The following NCKAP5 variants were observed in gnomAD, a reference collection of about 807,000 sequenced individuals.
The protein encoded by NCKAP5 is NCK associated protein 5.
NCKAP5 carries 92 observed loss-of-function variants against 167.0 expected under a neutral mutation model. The ratio of observed to expected loss-of-function variants is 0.55; its 90% CI spans 0.47 to 0.66. The LOEUF (loss-of-function observed/expected upper bound fraction) is 0.66, where lower values mean the gene tolerates loss of function less well. Among genes scored for constraint, NCKAP5 ranks in the 30% least tolerant of loss-of-function variants. NCKAP5 has a pLI of 0.00. For synonymous variants in NCKAP5, 891 were observed against 877.4 expected (o/e 1.02, Z -0.27); for missense variants, 2,378 against 2,315.0 (o/e 1.03, Z -0.56).
At chr2:133,465,695 G>A (rs1402066441) in intron 3 of NCKAP5, among the ~76,000 whole-genome samples, 2 of 152,004 alleles carry the variant, frequency 1.3e-5, no homozygotes, top group African/African-American at 2.4e-5. Context: ...TTTAATGATT[G>A]CCATTCTAAC....
chr2:132,942,708 A>G (rs1469500992), intron 8 of NCKAP5, among the ~76,000 whole-genome samples: 1 of 152,192 alleles, frequency 6.6e-6, no homozygotes, highest in East Asian at 1.9e-4. Flanking sequence ...ATCAACCTTA[A>G]TTTCCAACAG....
In NCKAP5 at chr2:133,380,745, A is replaced by C. The variant is rs369848052; in HGVS notation, c.70-77635T>G. Among the ~76,000 whole-genome samples, 13 of 152,330 alleles carry C rather than the reference A, an allele frequency of 8.5e-5. No homozygotes were observed. In the East Asian group the frequency reaches 2.5e-3, roughly 29 times the overall value. On this transcript the variant is annotated intron_variant, in intron 3 of 19. Transcript: ENST00000409261. ...GACTTACTGAACCAGAATACCTGGA[A>C]GTAAAGTCCAGGAACCTGGGTTTTA...
At chr2:133,434,005 A>G (rs1385350398) in intron 3 of NCKAP5, 1 of 152,174 alleles carries the variant, frequency 6.6e-6, no homozygotes, top group African/African-American at 2.4e-5. Flanking sequence ...CGTGTAGTCC[A>G]GTTAAGTTTG....
intron 8 of NCKAP5, among the ~76,000 whole-genome samples, chr2:132,942,148 G>A (rs1282955143): frequency 6.6e-6 from 1 of 152,166 alleles, no homozygotes; most frequent in Non-Finnish European, 1.5e-5. Flanking sequence ...AATTGACAGA[G>A]CAGAAAAGGA....
intron 6 of NCKAP5, among the ~76,000 whole-genome samples, chr2:133,068,072 C>T (rs1439398520): frequency 6.6e-6 from 1 of 152,154 alleles, no homozygotes; most frequent in Non-Finnish European, 1.5e-5. Flanking sequence ...CCCATATTCC[C>T]AGCAGAGAAA....
At chr2:133,101,654 G>A (rs2081518137) in intron 6 of NCKAP5, among the ~76,000 whole-genome samples, 1 of 152,154 alleles carries the variant, frequency 6.6e-6, no homozygotes, top group African/African-American at 2.4e-5. Flanking sequence ...AAGAAACAGT[G>A]ATTTACAAAC....
At chr2:133,356,003 C>A (rs1684690663) in intron 3 of NCKAP5, among the ~76,000 whole-genome samples, 1 of 152,014 alleles carries the variant, frequency 6.6e-6, no homozygotes, top group Non-Finnish European at 1.5e-5. Flanking sequence ...TCATGTCTCA[C>A]CGAAACCTCA....
intron 7 of NCKAP5, among the ~76,000 whole-genome samples, chr2:132,977,950 T>G (rs927563482): frequency 6.6e-6 from 1 of 152,216 alleles, no homozygotes; most frequent in Non-Finnish European, 1.5e-5. Flanking sequence ...CTTTGTCACA[T>G]AGTGGGATGT....
chr2:132,721,173 C>T (rs1360904798), intron 19 of NCKAP5, among the ~76,000 whole-genome samples: 4 of 151,436 alleles, frequency 2.6e-5, no homozygotes, highest in South Asian at 2.1e-4. Flanking sequence ...CCAGACGTGG[C>T]GGTGGGTGCC....
chr2:133,383,938 T>G (rs1686730045), intron 3 of NCKAP5, among the ~76,000 whole-genome samples: 1 of 152,224 alleles, frequency 6.6e-6, no homozygotes, highest in South Asian at 2.1e-4. Context: ...TTTGAGTTCT[T>G]TGTAGATTCT....
At chr2:132,871,943 A>G (rs1177181895) in intron 9 of NCKAP5, among the ~76,000 whole-genome samples, 1 of 152,208 alleles carries the variant, frequency 6.6e-6, no homozygotes, top group Admixed American at 6.5e-5. Flanking sequence ...TGCAACCTCT[A>G]CTAGGCTCAA....
intron 3 of NCKAP5, among the ~76,000 whole-genome samples, chr2:133,413,083 C>G (rs937299375): frequency 6.6e-6 from 1 of 152,168 alleles, no homozygotes; most frequent in African/African-American, 2.4e-5. Context: ...CAGAGCCCAC[C>G]AAGTTCAAGT....
rs1004301684 is a variant in NCKAP5 at position 133,069,824 on chromosome 2, C to T, written c.341+60154G>A. Among the ~76,000 whole-genome samples the T allele has an allele frequency of 2.0e-5, 3 of 151,614 alleles. No individual in the cohort carries two copies. In the Middle Eastern group the frequency reaches 0.01, roughly 519 times the overall value. ...GTAATGTGAGGAAAAAACCTCAGTG[C>T]CTTATAATTATAGATAATATTTATA... On this transcript the variant is annotated intron_variant, in intron 6 of 19. Coordinates refer to ENST00000409261, the MANE Select transcript of NCKAP5 (RefSeq NM_207363.3).
chr2:133,209,588 G>T (rs550094996), intron 5 of NCKAP5, among the ~76,000 whole-genome samples: 1 of 151,342 alleles, frequency 6.6e-6, no homozygotes, highest in African/African-American at 2.4e-5. Flanking sequence ...CTACATATGC[G>T]CTCACTTAGC....
intron 5 of NCKAP5, among the ~76,000 whole-genome samples, chr2:133,188,189 C>T (rs1166669673): frequency 6.6e-6 from 1 of 152,008 alleles, no homozygotes; most frequent in Non-Finnish European, 1.5e-5. Context: ...AATCTCTCAG[C>T]ATTTGCTTAA....
rs568426499 is a variant in NCKAP5 at position 132,838,231 on chromosome 2, T to C, written c.807+22261A>G. On this transcript the variant is annotated intron_variant, in intron 11 of 19. Coordinates refer to ENST00000409261, the MANE Select transcript of NCKAP5 (RefSeq NM_207363.3). ...ACCCCTCATGGGTTCTACAGGGAGA[T>C]TTCCTTCCCTTTGCTATTTGCTCAA... 3.6e-3 allele frequency among the ~76,000 whole-genome samples: 550 copies of C among 152,264 alleles called. 3 individuals are homozygous for C. Among genetic ancestry groups the C allele is most frequent in the African/African-American group, 0.012 (496 of 41,558 alleles).
At position 132,731,746 on chromosome 2, in the gene NCKAP5, C is replaced by A; in HGVS notation, c.5434G>T (p.Ala1812Ser). The A allele has an allele frequency of 6.3e-7, 1 of 1,575,256 alleles. No homozygotes were observed. Among genetic ancestry groups the A allele is most frequent in the Non-Finnish European group, 8.6e-7 (1 of 1,156,432 alleles). The change falls in exon 17 of 20, where the codon GCT becomes TCT. Residue 1812 changes from alanine to serine, a missense_variant. Ala to Ser is a moderately conservative substitution (Grantham distance 99, BLOSUM62 1). Transcript: ENST00000409261. ...GAAATTGGCATTTTACCTGAGGAAGCTGGTTTGGGGAGGCGGCTCTGAAGA... is the reference window on the plus strand; with the variant it reads ...GAAATTGGCATTTTACCTGAGGAAGATGGTTTGGGGAGGCGGCTCTGAAGA... ...RPLQSRLPKP[A>S]SSGKVSSQKQ... is the part of the protein sequence containing the mutation.
intron 6 of NCKAP5, among the ~76,000 whole-genome samples, chr2:133,027,232 T>C (rs2078728503): frequency 6.6e-6 from 1 of 152,212 alleles, no homozygotes; most frequent in African/African-American, 2.4e-5. Context: ...GGTCAGTTCA[T>C]ACACATCACC....
intron 16 of NCKAP5, among the ~76,000 whole-genome samples, chr2:132,746,404 CCAAACA>C (rs1679649676): frequency 6.6e-6 from 1 of 151,552 alleles, no homozygotes; most frequent in Non-Finnish European, 1.5e-5. Context: ...ACACATAAAC[CCAAACA>C]CAAGATCTAA....
Sources: gnomAD v4.1 joint callset for allele counts (sites outside exome capture counted in the v4.1 genomes callset) on GRCh38, gnomAD v4.1.1 for gene constraint, MANE v1.5 for transcripts, NCBI Gene and HGNC (gene_info 2026-07-23, HGNC 2026-07-21) for gene names.